The following CWC27 variants were observed in gnomAD, a reference collection of about 807,000 sequenced individuals.
CWC27 encodes spliceosome-associated protein CWC27 homolog.
CWC27 carries 47 observed loss-of-function variants against 63.6 expected under a neutral mutation model. The observed-to-expected ratio is 0.74, with a 90% CI of 0.58 to 0.94. The LOEUF (loss-of-function observed/expected upper bound fraction) is 0.94. Ranked by LOEUF, CWC27 falls within the 40% of genes least tolerant of loss-of-function variation. The pLI is 0.00. For missense variants in CWC27, 495 were observed against 554.3 expected, an observed-to-expected ratio of 0.89 and a Z score of 1.07; for synonymous variants, 175 against 179.8, an observed-to-expected ratio of 0.97 and a Z score of 0.22.
At chr5:64,968,265 C>T (rs1749060378) in intron 11 of CWC27, among the ~76,000 whole-genome samples, 1 of 152,000 alleles carries the variant, frequency 6.6e-6, no homozygotes. Context: ...TCAACCTCTC[C>T]TATATTGCGA....
chr5:64,803,867 A>C lies in CWC27; in HGVS notation c.781-362A>C, dbSNP rs565615175. On this transcript the variant is annotated intron_variant, in intron 9 of 13. Coordinates refer to ENST00000381070, the MANE Select transcript of CWC27 (RefSeq NM_005869.4). ...ACTTGAATTGATCCCTGTTGAGGTC[A>C]GTATGCTGGCCAACTGCCTTCAAAA... Among the ~76,000 whole-genome samples, 17 of 152,250 alleles carry C rather than the reference A, an allele frequency of 1.1e-4. 1 individual carries two copies. In the South Asian group the frequency reaches 3.5e-3, roughly 32 times the overall value.
chr5:64,854,809 G>T lies in CWC27; in HGVS notation c.939-30634G>T, dbSNP rs77441968. On this transcript the variant is annotated intron_variant, in intron 10 of 13. Transcript: ENST00000381070. ...TAGCTTAGGGTCATAAGCCATCATGGCTTTAGTAATCTGCTTCTCTCCTTG... is the reference window on the plus strand; with the variant it reads ...TAGCTTAGGGTCATAAGCCATCATGTCTTTAGTAATCTGCTTCTCTCCTTG... Among the ~76,000 whole-genome samples the T allele has an allele frequency of 3.8e-3, 580 of 152,218 alleles. 2 individuals are homozygous for T. The highest frequency in any genetic ancestry group is 0.012 in the African/African-American group (500 of 41,526).
intron 10 of CWC27, among the ~76,000 whole-genome samples, chr5:64,856,857 A>G (rs1429149053): frequency 6.6e-6 from 1 of 152,128 alleles, no homozygotes; most frequent in Non-Finnish European, 1.5e-5. Context: ...AAATTTTACT[A>G]TTTCGGTAAA....
rs186257112 is a variant in CWC27 at position 64,789,521 on chromosome 5, C to G, written c.669+501C>G. On this transcript the variant is annotated intron_variant, in intron 7 of 13. Transcript: ENST00000381070. Reference sequence around the variant, plus strand: ...TATAATTTGCTCAAAGTAACATAACCAATAAGTAGCTACAGATGGGAACTG... The same window carrying G: ...TATAATTTGCTCAAAGTAACATAACGAATAAGTAGCTACAGATGGGAACTG... Among the ~76,000 whole-genome samples the G allele has an allele frequency of 2.1e-3, 323 of 152,122 alleles. 2 individuals carry two copies. The highest frequency in any genetic ancestry group is 7.1e-3 in the African/African-American group (296 of 41,520).
chr5:64,928,485 A>G (rs1462675448), intron 11 of CWC27, among the ~76,000 whole-genome samples: 3 of 152,154 alleles, frequency 2.0e-5, no homozygotes, highest in Non-Finnish European at 4.4e-5. Flanking sequence ...TAATTTAACC[A>G]CTTCCTTAGT....
At chr5:64,823,562 A>G (rs1224877754) in intron 10 of CWC27, among the ~76,000 whole-genome samples, 1 of 152,208 alleles carries the variant, frequency 6.6e-6, no homozygotes, top group Non-Finnish European at 1.5e-5. Context: ...TCTGTTGGAT[A>G]CAGAGAATGA....
intron 13 of CWC27, among the ~76,000 whole-genome samples, chr5:64,977,902 A>T (rs1297853125): frequency 1.3e-5 from 2 of 150,214 alleles, no homozygotes; most frequent in East Asian, 2.0e-4. Context: ...AAGCCTCCCC[A>T]CACCTAACTG....
At chr5:64,966,247 AG>A (rs1245962323) in intron 11 of CWC27, among the ~76,000 whole-genome samples, 1 of 152,180 alleles carries the variant, frequency 6.6e-6, no homozygotes, top group Non-Finnish European at 1.5e-5. Context: ...CTTATATGAA[AG>A]AAATGTATTT....
chr5:64,887,153 C>T (rs10461382), intron 11 of CWC27, among the ~76,000 whole-genome samples: 56,520 of 151,398 alleles, frequency 0.37, 11,229 homozygotes, highest in East Asian at 0.52. Context: ...CTTATAGTTA[C>T]GATCTAGTAG....
intron 10 of CWC27, among the ~76,000 whole-genome samples, chr5:64,822,136 C>T (rs999894647): frequency 1.1e-4 from 17 of 152,044 alleles, no homozygotes; most frequent in African/African-American, 4.1e-4. Context: ...TGGGAGATCA[C>T]CATTGTATAA....
At chr5:64,917,953 CAT>C (rs2112386905) in intron 11 of CWC27, among the ~76,000 whole-genome samples, 1 of 151,966 alleles carries the variant, frequency 6.6e-6, no homozygotes, top group Non-Finnish European at 1.5e-5. Context: ...CACACACAAA[CAT>C]ACACACACAC....
At chr5:64,993,944 T>G (rs985847167) in intron 13 of CWC27, among the ~76,000 whole-genome samples, 1 of 152,202 alleles carries the variant, frequency 6.6e-6, no homozygotes, top group Non-Finnish European at 1.5e-5. Context: ...TAGTAGGATT[T>G]CAGGTGAAGC....
At chr5:64,932,354 A>T (rs1469225142) in intron 11 of CWC27, among the ~76,000 whole-genome samples, 1 of 151,864 alleles carries the variant, frequency 6.6e-6, no homozygotes, top group Non-Finnish European at 1.5e-5. Flanking sequence ...AATGGCCAAT[A>T]GGACTTTTTT....
intron 10 of CWC27, among the ~76,000 whole-genome samples, chr5:64,868,831 C>T (rs1311213905): frequency 1.3e-5 from 2 of 151,938 alleles, no homozygotes; most frequent in African/African-American, 4.8e-5. Context: ...GCATGTTTCA[C>T]GTAAGCTGAA....
intron 10 of CWC27, among the ~76,000 whole-genome samples, chr5:64,878,245 A>G (rs1054213216): frequency 1.7e-4 from 26 of 151,700 alleles, no homozygotes; most frequent in African/African-American, 6.0e-4. Context: ...TTGGAATGCT[A>G]TAAGTTGACA....
At chr5:64,974,493 G>A (rs2968200) in intron 12 of CWC27, among the ~76,000 whole-genome samples, 69,114 of 151,918 alleles carry the variant, frequency 0.45, 15,887 homozygotes, top group African/African-American at 0.5. Flanking sequence ...AGACTTATTC[G>A]CTATCACGAG....
At chr5:64,913,941 CAAG>C (rs1488652254) in intron 11 of CWC27, among the ~76,000 whole-genome samples, 1 of 151,946 alleles carries the variant, frequency 6.6e-6, no homozygotes, top group Non-Finnish European at 1.5e-5. Context: ...TATCTAATAT[CAAG>C]ACTTGTTATA....
At chr5:64,922,469 T>C (rs553772443) in intron 11 of CWC27, among the ~76,000 whole-genome samples, 138 of 152,364 alleles carry the variant, frequency 9.1e-4, no homozygotes, top group African/African-American at 3.2e-3. Context: ...GAATTTTTCA[T>C]ATCCAGAAGT....
chr5:64,888,298 T>C (rs1747124609), intron 11 of CWC27, among the ~76,000 whole-genome samples: 1 of 147,558 alleles, frequency 6.8e-6, no homozygotes, highest in African/African-American at 2.5e-5. Flanking sequence ...ATATAGTTAA[T>C]ATAATTATAT....
Sources: gnomAD v4.1 joint callset for allele counts (sites outside exome capture counted in the v4.1 genomes callset) on GRCh38, gnomAD v4.1.1 for gene constraint, MANE v1.5 for transcripts, NCBI Gene and HGNC (gene_info 2026-07-23, HGNC 2026-07-21) for gene names.